The following PTPN4 variants were observed in gnomAD, a reference collection of about 807,000 sequenced individuals.
The protein encoded by PTPN4 is protein tyrosine phosphatase non-receptor type 4.
A neutral mutation model predicts 135.5 loss-of-function variants in PTPN4; 49 were observed. The ratio of observed to expected loss-of-function variants is 0.36; its 90% CI spans 0.29 to 0.46. The LOEUF (loss-of-function observed/expected upper bound fraction) is 0.46, where lower values mean the gene tolerates loss of function less well. Among genes scored for constraint, PTPN4 ranks in the 20% least tolerant of loss-of-function variants. PTPN4 has a pLI of 1.00. For missense variants in PTPN4, 860 were observed against 1,101.0 expected, an observed-to-expected ratio of 0.78 and a Z score of 3.10; for synonymous variants, 333 against 369.9, an observed-to-expected ratio of 0.90 and a Z score of 1.14.
At chr2:119,848,834 C>T (rs895358723) in intron 2 of PTPN4, among the ~76,000 whole-genome samples, 8 of 151,968 alleles carry the variant, frequency 5.3e-5, no homozygotes, top group African/African-American at 1.7e-4. Flanking sequence ...CTTCTGACCT[C>T]GTGATCCACC....
chr2:119,791,897 A>G (rs544767426), intron 1 of PTPN4, among the ~76,000 whole-genome samples: 11 of 152,162 alleles, frequency 7.2e-5, no homozygotes, highest in South Asian at 4.2e-4. Context: ...TCTGTCTACT[A>G]TCTTTCTCGG....
intron 9 of PTPN4, among the ~76,000 whole-genome samples, chr2:119,886,158 A>G (rs1678152565): frequency 1.3e-5 from 2 of 152,218 alleles, no homozygotes. Context: ...TTTATTTTAA[A>G]ATATAATTGT....
At chr2:119,810,104 TAAA>T in intron 2 of PTPN4, 113 bp downstream of exon 2, 1 of 1,261,262 alleles carries the variant, frequency 7.9e-7, no homozygotes, top group Non-Finnish European at 1.1e-6. Flanking sequence ...CTTATTCAAG[TAAA>T]AAAGTCTTTT....
intron 1 of PTPN4, among the ~76,000 whole-genome samples, chr2:119,775,011 CTA>C (rs1690805024): frequency 8.0e-6 from 1 of 125,118 alleles, no homozygotes; most frequent in African/African-American, 3.0e-5. Context: ...AGCGAGACTG[CTA>C]AAAAAAAAAT....
At chr2:119,823,359 C>G (rs894146295) in intron 2 of PTPN4, among the ~76,000 whole-genome samples, 2 of 151,936 alleles carry the variant, frequency 1.3e-5, no homozygotes, top group African/African-American at 4.8e-5. Flanking sequence ...CTCAGCCTCC[C>G]GAGTAGCTGG....
intron 2 of PTPN4, among the ~76,000 whole-genome samples, chr2:119,835,225 CT>C (rs1677273731): frequency 6.6e-6 from 1 of 152,142 alleles, no homozygotes; most frequent in Non-Finnish European, 1.5e-5. Context: ...CACTCTGTCG[CT>C]CAGGCTGGAG....
chr2:119,792,025 G>C (rs1574336047), intron 1 of PTPN4, among the ~76,000 whole-genome samples: 1 of 152,112 alleles, frequency 6.6e-6, no homozygotes, highest in Middle Eastern at 3.4e-3. Context: ...TCTTGAGACT[G>C]GATATTCTCA....
At chr2:119,810,903 T>G (rs1691562631) in intron 2 of PTPN4, among the ~76,000 whole-genome samples, 1 of 152,156 alleles carries the variant, frequency 6.6e-6, no homozygotes, top group Non-Finnish European at 1.5e-5. Flanking sequence ...ATCCCTAAAT[T>G]TAACTTTATG....
chr2:119,788,679 T>C (rs994905250), intron 1 of PTPN4, among the ~76,000 whole-genome samples: 55 of 152,220 alleles, frequency 3.6e-4, no homozygotes, highest in African/African-American at 1.3e-3. Context: ...TATATAATAT[T>C]TGTCATTTTG....
chr2:119,942,955 A>G (rs554072737), intron 15 of PTPN4, among the ~76,000 whole-genome samples: 2 of 152,320 alleles, frequency 1.3e-5, no homozygotes, highest in African/African-American at 4.8e-5. Flanking sequence ...GCAGACCTCA[A>G]TGAAGCTTTG....
intron 9 of PTPN4, among the ~76,000 whole-genome samples, chr2:119,887,822 C>T (rs979217626): frequency 4.6e-5 from 7 of 152,044 alleles, no homozygotes; most frequent in African/African-American, 1.7e-4. Context: ...ATGCTTTGTT[C>T]TTTTTGCTCC....
intron 1 of PTPN4, among the ~76,000 whole-genome samples, chr2:119,769,080 A>C (rs964354180): frequency 2.5e-4 from 38 of 152,336 alleles, no homozygotes; most frequent in East Asian, 9.6e-4. Flanking sequence ...CTTATGAAGT[A>C]TATATAAAGT....
chr2:119,968,592 C>T (rs960975723), intron 26 of PTPN4, among the ~76,000 whole-genome samples: 11 of 152,140 alleles, frequency 7.2e-5, no homozygotes, highest in Admixed American at 2.0e-4. Context: ...GAGATCGAGA[C>T]CATCCTGGCT....
intron 10 of PTPN4, among the ~76,000 whole-genome samples, chr2:119,905,780 G>T (rs28824531): frequency 0.065 from 9,828 of 151,856 alleles, 857 homozygotes; most frequent in African/African-American, 0.2. Flanking sequence ...ACACCACAAT[G>T]GAATAAAACT....
At chr2:119,883,376 A>G (rs1678107852) in intron 8 of PTPN4, among the ~76,000 whole-genome samples, 2 of 152,316 alleles carry the variant, frequency 1.3e-5, no homozygotes, top group South Asian at 4.1e-4. Context: ...AACACTTACG[A>G]TCCCAAGCAT....
intron 15 of PTPN4, among the ~76,000 whole-genome samples, chr2:119,941,144 G>T (rs980446517): frequency 1.3e-5 from 2 of 151,812 alleles, no homozygotes; most frequent in Non-Finnish European, 2.9e-5. Context: ...TTTAAGAATT[G>T]GACTGTTTCA....
intron 15 of PTPN4, among the ~76,000 whole-genome samples, chr2:119,944,581 A>G (rs1342993154): frequency 6.6e-6 from 1 of 152,138 alleles, no homozygotes; most frequent in South Asian, 2.1e-4. Flanking sequence ...TCTGGTGATG[A>G]TCTCAGCACT....
intron 13 of PTPN4, among the ~76,000 whole-genome samples, chr2:119,931,116 C>G (rs185270973): frequency 6.6e-6 from 1 of 152,022 alleles, no homozygotes; most frequent in East Asian, 1.9e-4. Context: ...GTAAATTGTG[C>G]TGGAATGGAA....
At chr2:119,775,435 A>G (rs948316104) in intron 1 of PTPN4, among the ~76,000 whole-genome samples, 2 of 152,128 alleles carry the variant, frequency 1.3e-5, no homozygotes, top group African/African-American at 4.8e-5. Flanking sequence ...TTGATGTTGG[A>G]CAATGCCGCT....
Sources: allele counts gnomAD v4.1 joint callset (sites outside exome capture counted in the v4.1 genomes callset), GRCh38; gene constraint gnomAD v4.1.1; transcripts MANE v1.5; gene names NCBI Gene and HGNC (gene_info 2026-07-23, HGNC 2026-07-21).